GGA2: variants seen among roughly 807,000 people sequenced by gnomAD.
GGA2 encodes the protein golgi associated, gamma adaptin ear containing, ARF binding protein 2, also known as ADP-ribosylation factor-binding protein GGA2.
In GGA2, 48 loss-of-function variants were observed where a neutral mutation model predicts 79.5. That is an observed-to-expected ratio of 0.60 (90% CI 0.48 to 0.77). The LOEUF (loss-of-function observed/expected upper bound fraction) is 0.77. GGA2 is among the 30% of genes least tolerant of loss of function. The pLI is 0.00. For synonymous variants in GGA2, 317 were observed against 302.0 expected (o/e 1.05, Z -0.51); for missense variants, 770 against 774.0 (o/e 0.99, Z 0.06).
At chr16:23,520,845 A>G (rs11862017) in intron 1 of GGA2, among the ~76,000 whole-genome samples, 2,239 of 152,170 alleles carry the variant, frequency 0.015, 23 homozygotes, top group African/African-American at 0.019. Context: ...CTGGAGTACA[A>G]TGGTGTGATC....
Position 23,468,969 on chromosome 16 carries a change from A to G in GGA2, c.1648T>C (p.Ser550Pro). Reference sequence around the variant, plus strand: ...CTGAATGCAGGAAGCTTGGAGCTGGATGCCGGCTGCAGCTTCACTCTCATT... The same window carrying G: ...CTGAATGCAGGAAGCTTGGAGCTGGGTGCCGGCTGCAGCTTCACTCTCATT... ...KSMRVKLQPA[S>P]SSKLPAFSPL... is the part of the protein sequence containing the mutation. The change falls in exon 16 of 17, where the codon TCC becomes CCC. Residue 550 changes from serine to proline, a missense_variant. Coordinates refer to ENST00000309859, the MANE Select transcript of GGA2 (RefSeq NM_015044.4). The G allele has an allele frequency of 1.2e-6, 2 of 1,610,960 alleles. No homozygotes were observed. Among genetic ancestry groups the G allele is most frequent in the African/African-American group, 1.3e-5 (1 of 74,998 alleles).
intron 1 of GGA2, among the ~76,000 whole-genome samples, chr16:23,508,157 CAAGGGTT>C (rs1964994673): frequency 6.6e-6 from 1 of 151,888 alleles, no homozygotes; most frequent in Non-Finnish European, 1.5e-5. Flanking sequence ...ACCTCTGCCC[CAAGGGTT>C]CAAGTGATCC....
At chr16:23,521,958 C>T in exon 1 of GGA2, 1 of 376,016 alleles carries the variant, frequency 2.7e-6, no homozygotes, top group Non-Finnish European at 5.4e-6. Context: ...TTTTAGTTAA[C>T]TTTTCAGAAC....
chr16:23,517,951 C>T (rs1049707993), intron 2 of GGA2, among the ~76,000 whole-genome samples: 1 of 151,316 alleles, frequency 6.6e-6, no homozygotes, highest in African/African-American at 2.4e-5. Context: ...TGGAGTCTGT[C>T]ACCCAGGCTG....
rs1964425543 is a variant in GGA2, at chr16:23,465,570, C to T, written c.*2020G>A. The T allele has an allele frequency of 1.6e-6, 1 of 614,920 alleles. No individual in the cohort carries two copies. Among genetic ancestry groups the T allele is most frequent in the Non-Finnish European group, 2.9e-6 (1 of 342,918 alleles). The allele number at this position is 614,920 out of a possible 1,614,324, so 38.1% of individuals were successfully genotyped here. A position where few individuals can be genotyped will look rare whatever the true frequency, so the allele number is the denominator to read the frequency against. ...ATAAGTCTCATTCACCCATTTTGAC[C>T]AAAACCCTTCAGAGGGAGATGCTGT... On this transcript the variant is annotated 3_prime_UTR_variant, in exon 17 of 17. Coordinates refer to ENST00000309859, the MANE Select transcript of GGA2 (RefSeq NM_015044.4).
intron 13 of GGA2, among the ~76,000 whole-genome samples, chr16:23,475,939 A>C (rs28504053): frequency 1.5e-5 from 1 of 67,302 alleles, no homozygotes; most frequent in Admixed American, 1.6e-4. Flanking sequence ...CAGGAAAAAA[A>C]AAAGAAAAAA....
intron 14 of GGA2, among the ~76,000 whole-genome samples, chr16:23,473,959 A>T (rs2142115805): frequency 6.6e-6 from 1 of 152,270 alleles, no homozygotes; most frequent in South Asian, 2.1e-4. Flanking sequence ...ATCTAACCTC[A>T]CCACAAAGAG....
In GGA2 at chr16:23,465,161, A is replaced by T; in HGVS notation, c.*2429T>A. On this transcript the variant is annotated 3_prime_UTR_variant, in exon 17 of 17. Coordinates refer to ENST00000309859, the MANE Select transcript of GGA2 (RefSeq NM_015044.4). ...GGTAGCTGGTCAACAACTAGCTTTT[A>T]AAAAAACAGAGACACGGTCTCACTA... 1 of 593,706 alleles carries T rather than the reference A, an allele frequency of 1.7e-6. No homozygotes were observed. Among genetic ancestry groups the T allele is most frequent in the Non-Finnish European group, 3.0e-6 (1 of 333,192 alleles). 36.8% of individuals were successfully genotyped at this position (593,706 alleles called of 1,614,324 possible). A position where few individuals can be genotyped will look rare whatever the true frequency, so the allele number is the denominator to read the frequency against.
At chr16:23,502,390 G>A (rs1244248834) in intron 1 of GGA2, among the ~76,000 whole-genome samples, 2 of 152,144 alleles carry the variant, frequency 1.3e-5, no homozygotes, top group African/African-American at 2.4e-5. Flanking sequence ...GGATTGTTAG[G>A]GGAGCTACCG....
chr16:23,501,646 G>A (rs538349519), intron 1 of GGA2: 13 of 233,532 alleles, frequency 5.6e-5, no homozygotes, highest in Non-Finnish European at 1.0e-4. Flanking sequence ...ATTGGTATTC[G>A]GTGCACTAAT....
At chr16:23,519,031 C>T (rs748053522) in intron 2 of GGA2, among the ~76,000 whole-genome samples, 21 of 143,514 alleles carry the variant, frequency 1.5e-4, no homozygotes, top group Non-Finnish European at 2.4e-4. Flanking sequence ...TTTTCTAGAA[C>T]GGATACTGTC....
At chr16:23,476,357 G>A (rs1233625343) in intron 13 of GGA2, among the ~76,000 whole-genome samples, 4 of 152,108 alleles carry the variant, frequency 2.6e-5, no homozygotes, top group African/African-American at 9.7e-5. Flanking sequence ...AGGCTGTTTG[G>A]GTGAAGGTAA....
chr16:23,482,952 C>T lies in GGA2; in HGVS notation c.851G>A (p.Ser284Asn), dbSNP rs771433958. ...KLRPTLFRLA[S>N]DTTDDDDALA... Reference sequence around the variant, plus strand: ...TGCATCATCGTCATCAGTGGTGTCACTCGCCAACCGGAACAGCGTGGGCCG... The same window carrying T: ...TGCATCATCGTCATCAGTGGTGTCATTCGCCAACCGGAACAGCGTGGGCCG... The change falls in exon 9 of 17, where the codon AGT (serine) becomes AAT (asparagine). Residue 284 changes from serine (S) to asparagine (N), a missense_variant. Coordinates refer to ENST00000309859, the MANE Select transcript of GGA2 (RefSeq NM_015044.4). 4.3e-6 allele frequency: 7 copies of T among 1,611,942 alleles called. No individual in the cohort carries two copies. Among genetic ancestry groups the T allele is most frequent in the Admixed American group, 1.7e-5 (1 of 59,994 alleles).
chr16:23,492,626 T>C (rs1964803464), intron 4 of GGA2, among the ~76,000 whole-genome samples: 1 of 152,106 alleles, frequency 6.6e-6, no homozygotes, highest in African/African-American at 2.4e-5. Flanking sequence ...ACCTTGCCTA[T>C]GTATCGCTTC....
chr16:23,471,199 T>G (rs1182873558), intron 14 of GGA2, among the ~76,000 whole-genome samples: 1 of 152,044 alleles, frequency 6.6e-6, no homozygotes, highest in East Asian at 1.9e-4. Context: ...CTCTTTTATA[T>G]GAGTACAAAC....
At chr16:23,470,823 T>A (rs1471864613) in intron 14 of GGA2, among the ~76,000 whole-genome samples, 10 of 129,878 alleles carry the variant, frequency 7.7e-5, no homozygotes, top group Admixed American at 2.7e-4. Context: ...ATGAAATAAA[T>A]GCTTTTTTTT....
In GGA2 at chr16:23,464,280, G is replaced by C. The variant is rs1260852384; in HGVS notation, c.*3310C>G. On this transcript the variant is annotated 3_prime_UTR_variant, in exon 17 of 17. Coordinates refer to ENST00000309859, the MANE Select transcript of GGA2 (RefSeq NM_015044.4). ...AAGTTCATGGAAGATAATAGGAAGAGTAATTAACTGCAGCAAAAGGTTAGG... is the reference window on the plus strand; with the variant it reads ...AAGTTCATGGAAGATAATAGGAAGACTAATTAACTGCAGCAAAAGGTTAGG... The C allele has an allele frequency of 6.6e-6, 1 of 152,180 alleles. No individual in the cohort carries two copies. Among genetic ancestry groups the C allele is most frequent in the Non-Finnish European group, 1.5e-5 (1 of 68,050 alleles). The allele number at this position is 152,180 out of a possible 1,614,324, so 9.4% of individuals were successfully genotyped here. A position where few individuals can be genotyped will look rare whatever the true frequency, so the allele number is the denominator to read the frequency against.
intron 1 of GGA2, among the ~76,000 whole-genome samples, chr16:23,503,558 AC>A (rs938978400): frequency 6.6e-6 from 1 of 152,196 alleles, no homozygotes; most frequent in African/African-American, 2.4e-5. Context: ...AATTGCTGAA[AC>A]CTAGTGATAA....
In GGA2 at chr16:23,464,247, C is replaced by G. The variant is rs1218775400; in HGVS notation, c.*3343G>C. 6.6e-6 allele frequency: 1 copy of G among 151,958 alleles called. No individual in the cohort carries two copies. The allele number at this position is 151,958 out of a possible 1,614,324, so 9.4% of individuals were successfully genotyped here. A position where few individuals can be genotyped will look rare whatever the true frequency, so the allele number is the denominator to read the frequency against. On this transcript the variant is annotated 3_prime_UTR_variant, in exon 17 of 17. Transcript: ENST00000309859. ...CTCACAGATAAGGAAACATTTTTGCCCAGTCTTAAGTTCATGGAAGATAAT... is the reference window on the plus strand; with the variant it reads ...CTCACAGATAAGGAAACATTTTTGCGCAGTCTTAAGTTCATGGAAGATAAT...
Sources: gnomAD v4.1 joint callset for allele counts (sites outside exome capture counted in the v4.1 genomes callset) on GRCh38, gnomAD v4.1.1 for gene constraint, MANE v1.5 for transcripts, NCBI Gene and HGNC (gene_info 2026-07-23, HGNC 2026-07-21) for gene names.